Variants in ALOX5 observed in about 807,000 individuals in gnomAD.
ALOX5 encodes the protein arachidonate 5-lipoxygenase.
ALOX5 carries 64 observed loss-of-function variants against 87.9 expected under a neutral mutation model. The ratio of observed to expected loss-of-function variants is 0.73; its 90% CI spans 0.60 to 0.90. The LOEUF (loss-of-function observed/expected upper bound fraction) is 0.90, where lower values mean the gene tolerates loss of function less well. Among genes scored for constraint, ALOX5 ranks in the 40% least tolerant of loss-of-function variants. ALOX5 has a pLI of 0.00. For missense variants in ALOX5, 822 were observed against 907.5 expected, an observed-to-expected ratio of 0.91 and a Z score of 1.21; for synonymous variants, 388 against 355.1, an observed-to-expected ratio of 1.09 and a Z score of -1.04.
At chr10:45,433,242 C>CCAAGGTCAGAGCTTCGGCCAGCACCGGAG (rs557398814) in intron 7 of ALOX5, among the ~76,000 whole-genome samples, 16 of 152,252 alleles carry the variant, frequency 1.1e-4, no homozygotes, top group South Asian at 4.1e-4. Flanking sequence ...CCTGGGCAGC[C>CCAAGGTCAGAGCTTCGGCCAGCACCGGAG]CAAGGTCAGA....
rs767991624 is a variant in ALOX5, at chr10:45,428,636, G to A, written c.853G>A (p.Val285Met). Residue 285 changes from valine (V) to methionine (M), a missense_variant, in exon 7 of 14, where the codon GTG becomes ATG. Physicochemically the swap from Val to Met is conservative, Grantham distance 21 (BLOSUM62 1). Transcript: ENST00000374391. ...CCTGCAGCAAGGGAACATTTTCATC[G>A]TGGACTTTGAGCTGCTGGATGGCAT... The part of the protein sequence containing the change: ...QEVQQGNIFI[V>M]DFELLDGIDA... The A allele has an allele frequency of 6.2e-6, 10 of 1,614,004 alleles. No individual in the cohort carries two copies. The highest frequency in any genetic ancestry group is 1.6e-4 in the Middle Eastern group (1 of 6,070).
chr10:45,415,215 GA>G (rs1355538390), intron 4 of ALOX5, among the ~76,000 whole-genome samples: 1 of 152,200 alleles, frequency 6.6e-6, no homozygotes, highest in Non-Finnish European at 1.5e-5. Flanking sequence ...ACTGGATTAA[GA>G]AAATGTGGCA....
chr10:45,419,730 C>A (rs1025053536), intron 4 of ALOX5, among the ~76,000 whole-genome samples: 2 of 61,936 alleles, frequency 3.2e-5, no homozygotes, highest in South Asian at 8.5e-4. Context: ...CAGAGTGAGA[C>A]CCTGTTTCAA....
At chr10:45,442,118 A>G (rs1842254741) in intron 9 of ALOX5, among the ~76,000 whole-genome samples, 1 of 152,178 alleles carries the variant, frequency 6.6e-6, no homozygotes, top group African/African-American at 2.4e-5. Context: ...ATACCTGGAC[A>G]CAATAGAGGG....
chr10:45,409,392 CTCTT>C (rs1444488229), intron 3 of ALOX5, among the ~76,000 whole-genome samples: 9 of 152,194 alleles, frequency 5.9e-5, no homozygotes, highest in Middle Eastern at 3.2e-3. Context: ...AGTGATTATT[CTCTT>C]TGTCTGTTTC....
intron 7 of ALOX5, among the ~76,000 whole-genome samples, chr10:45,434,579 C>T (rs548361768): frequency 1.3e-5 from 2 of 152,232 alleles, no homozygotes; most frequent in East Asian, 1.9e-4. Context: ...CACAAGGGAC[C>T]GATAAAGGAT....
At chr10:45,398,030 T>C (rs1434826934) in intron 3 of ALOX5, among the ~76,000 whole-genome samples, 1 of 152,172 alleles carries the variant, frequency 6.6e-6, no homozygotes, top group Non-Finnish European at 1.5e-5. Flanking sequence ...GGACCCAGAA[T>C]AGCCAAAACA....
intron 3 of ALOX5, among the ~76,000 whole-genome samples, chr10:45,403,307 C>A (rs955087527): frequency 6.6e-6 from 1 of 152,186 alleles, no homozygotes; most frequent in Non-Finnish European, 1.5e-5. Context: ...CTAACATGGA[C>A]AAACCTCACT....
At chr10:45,407,153 G>A (rs1234603936) in intron 3 of ALOX5, among the ~76,000 whole-genome samples, 2 of 152,042 alleles carry the variant, frequency 1.3e-5, no homozygotes, top group Non-Finnish European at 2.9e-5. Flanking sequence ...AATATGAGAG[G>A]CTTAGATGAC....
intron 1 of ALOX5, among the ~76,000 whole-genome samples, chr10:45,381,225 T>C (rs10900212): frequency 0.19 from 28,459 of 152,252 alleles, 2,858 homozygotes; most frequent in African/African-American, 0.25. Context: ...GCTGCAAGGC[T>C]AGCCTCACCC....
At chr10:45,403,826 G>C (rs1418404728) in intron 3 of ALOX5, among the ~76,000 whole-genome samples, 2 of 152,128 alleles carry the variant, frequency 1.3e-5, no homozygotes, top group Admixed American at 6.5e-5. Flanking sequence ...CGTTGTGCTT[G>C]AGCTCTGCCT....
chr10:45,430,673 A>G (rs1259045778), intron 7 of ALOX5, among the ~76,000 whole-genome samples: 1 of 152,200 alleles, frequency 6.6e-6, no homozygotes, highest in Non-Finnish European at 1.5e-5. Context: ...ATATTTTTTA[A>G]ATGAGAGTAA....
At chr10:45,391,126 T>G (rs1178065161) in intron 2 of ALOX5, among the ~76,000 whole-genome samples, 1 of 130,646 alleles carries the variant, frequency 7.7e-6, no homozygotes, top group Non-Finnish European at 1.6e-5. Context: ...CTTTCCACGG[T>G]CTCCCTCTGA....
chr10:45,389,960 G>A (rs554915746), intron 2 of ALOX5, among the ~76,000 whole-genome samples: 14 of 152,252 alleles, frequency 9.2e-5, no homozygotes, highest in African/African-American at 2.2e-4. Flanking sequence ...TCTCATGTGC[G>A]GAGACACACA....
rs1293779493 is a variant in ALOX5, at chr10:45,428,640, A to G, written c.857A>G (p.Asp286Gly). The part of the protein sequence containing the change: ...EVQQGNIFIV[D>G]FELLDGIDAN... Reference sequence around the variant, plus strand: ...CAGCAAGGGAACATTTTCATCGTGGACTTTGAGCTGCTGGATGGCATCGAT... The same window carrying G: ...CAGCAAGGGAACATTTTCATCGTGGGCTTTGAGCTGCTGGATGGCATCGAT... The change falls in exon 7 of 14, where the codon GAC (aspartate) becomes GGC (glycine). Residue 286 changes from aspartate (D) to glycine (G), a missense_variant. Asp to Gly is a moderately conservative substitution (Grantham distance 94, BLOSUM62 -1). Coordinates refer to ENST00000374391, the MANE Select transcript of ALOX5 (RefSeq NM_000698.5). The G allele has an allele frequency of 3.1e-6, 5 of 1,613,930 alleles. No individual in the cohort carries two copies. Among genetic ancestry groups the G allele is most frequent in the East Asian group, 2.2e-5 (1 of 44,874 alleles).
chr10:45,412,979 T>C (rs972806495), intron 4 of ALOX5, among the ~76,000 whole-genome samples: 2 of 152,206 alleles, frequency 1.3e-5, no homozygotes, highest in African/African-American at 4.8e-5. Context: ...CTACTGAGTG[T>C]AGGGATCTTT....
At chr10:45,386,094 G>T (rs1157513206) in intron 2 of ALOX5, among the ~76,000 whole-genome samples, 1 of 152,078 alleles carries the variant, frequency 6.6e-6, no homozygotes, top group Non-Finnish European at 1.5e-5. Flanking sequence ...AAGGTCAGGA[G>T]ATCGAGACCA....
intron 6 of ALOX5, among the ~76,000 whole-genome samples, chr10:45,427,177 G>A (rs1188877785): frequency 6.6e-6 from 1 of 152,196 alleles, no homozygotes; most frequent in Non-Finnish European, 1.5e-5. Context: ...CAAATCTCAG[G>A]CCTCCTATTC....
chr10:45,434,912 T>G (rs1005082714), intron 7 of ALOX5, among the ~76,000 whole-genome samples: 1 of 152,238 alleles, frequency 6.6e-6, no homozygotes, highest in Non-Finnish European at 1.5e-5. Flanking sequence ...GATGTTTTCT[T>G]TCTCAGGCTC....
Sources: allele counts gnomAD v4.1 joint callset (sites outside exome capture counted in the v4.1 genomes callset), GRCh38; gene constraint gnomAD v4.1.1; transcripts MANE v1.5; gene names NCBI Gene and HGNC (gene_info 2026-07-23, HGNC 2026-07-21).